MCTP1: variants seen among roughly 807,000 people sequenced by gnomAD.
MCTP1 encodes the protein multiple C2 and transmembrane domain-containing protein 1.
A neutral mutation model predicts 120.6 loss-of-function variants in MCTP1; 69 were observed. The ratio of observed to expected loss-of-function variants is 0.57; its 90% CI spans 0.47 to 0.70. The LOEUF (loss-of-function observed/expected upper bound fraction) is 0.70, where lower values mean the gene tolerates loss of function less well. Among genes scored for constraint, MCTP1 ranks in the 30% least tolerant of loss-of-function variants. The probability of loss-of-function intolerance (pLI) is 0.00; values close to 1 mark genes in which losing one functional copy is unlikely to be tolerated. For synonymous variants in MCTP1, 529 were observed against 493.1 expected, an observed-to-expected ratio of 1.07 and a Z score of -0.96; for missense variants, 1,203 against 1,248.8, an observed-to-expected ratio of 0.96 and a Z score of 0.55.
intron 3 of MCTP1, among the ~76,000 whole-genome samples, chr5:94,943,969 A>G (rs1818343434): frequency 6.6e-6 from 1 of 151,966 alleles, no homozygotes; most frequent in Non-Finnish European, 1.5e-5. Context: ...ACAGCCCAGC[A>G]CTCCTATGCT....
At chr5:94,884,727 G>A (rs546320101) in intron 12 of MCTP1, among the ~76,000 whole-genome samples, 3 of 152,216 alleles carry the variant, frequency 2.0e-5, no homozygotes, top group African/African-American at 7.2e-5. Context: ...CCTGTCAAAT[G>A]GGGCTTAAAT....
chr5:95,215,253 A>T (rs1403588306), intron 1 of MCTP1, among the ~76,000 whole-genome samples: 1 of 152,206 alleles, frequency 6.6e-6, no homozygotes, highest in African/African-American at 2.4e-5. Flanking sequence ...TGATCAATTC[A>T]ATTAACTGAT....
intron 18 of MCTP1, among the ~76,000 whole-genome samples, chr5:94,796,349 T>C (rs1256996006): frequency 6.6e-6 from 1 of 151,858 alleles, no homozygotes; most frequent in Non-Finnish European, 1.5e-5. Flanking sequence ...GAAAGTTTCC[T>C]GGTTTGGAAT....
chr5:95,061,093 C>T (rs1748933361), intron 1 of MCTP1, among the ~76,000 whole-genome samples: 1 of 150,136 alleles, frequency 6.7e-6, no homozygotes, highest in African/African-American at 2.5e-5. Context: ...TCTGGCAATG[C>T]CCTGTGGTTG....
At chr5:94,713,230 C>A (rs1188670448) in intron 20 of MCTP1, among the ~76,000 whole-genome samples, 1 of 151,892 alleles carries the variant, frequency 6.6e-6, no homozygotes. Context: ...TTTTTAGCAT[C>A]CAAAAGATCA....
intron 12 of MCTP1, among the ~76,000 whole-genome samples, chr5:94,885,453 C>T (rs1000111094): frequency 3.9e-5 from 6 of 152,150 alleles, no homozygotes; most frequent in Admixed American, 1.3e-4. Context: ...AAGAAAGCCT[C>T]ACTCAATATA....
At chr5:95,213,540 G>A (rs528882025) in intron 1 of MCTP1, among the ~76,000 whole-genome samples, 121 of 152,014 alleles carry the variant, frequency 8.0e-4, no homozygotes, top group African/African-American at 2.8e-3. Context: ...AAACAAAAAA[G>A]AGCCTGCATC....
intron 1 of MCTP1, among the ~76,000 whole-genome samples, chr5:95,252,627 C>G (rs985071399): frequency 1.3e-5 from 2 of 152,132 alleles, no homozygotes; most frequent in African/African-American, 4.8e-5. Context: ...GAGCTGAGAT[C>G]TGAACCTACA....
intron 1 of MCTP1, among the ~76,000 whole-genome samples, chr5:95,132,265 T>C (rs1398874573): frequency 2.0e-5 from 3 of 152,186 alleles, no homozygotes; most frequent in Non-Finnish European, 2.9e-5. Flanking sequence ...CATTTGACAG[T>C]GTTTTGTTTT....
chr5:94,893,200 G>GA (rs1280476922), intron 11 of MCTP1, among the ~76,000 whole-genome samples: 3 of 151,690 alleles, frequency 2.0e-5, no homozygotes, highest in African/African-American at 2.4e-5. Context: ...CCAGCAAAAA[G>GA]AAAAAAAATT....
chr5:94,878,827 G>A (rs1442276348), intron 12 of MCTP1, among the ~76,000 whole-genome samples: 1 of 149,828 alleles, frequency 6.7e-6, no homozygotes, highest in African/African-American at 2.4e-5. Context: ...AGAGTGCTAC[G>A]TGTTAATTAA....
chr5:95,274,176 C>CT, intron 1 of MCTP1, among the ~76,000 whole-genome samples: 1 of 152,216 alleles, frequency 6.6e-6, no homozygotes, highest in Non-Finnish European at 1.5e-5. Flanking sequence ...AGCTTTCAGT[C>CT]CCGCTACTGA....
At chr5:94,771,908 C>T (rs1369240417) in intron 19 of MCTP1, among the ~76,000 whole-genome samples, 1 of 152,100 alleles carries the variant, frequency 6.6e-6, no homozygotes, top group Non-Finnish European at 1.5e-5. Flanking sequence ...GTAGGCAGGG[C>T]TGCATTTCTT....
chr5:95,150,201 T>C lies in MCTP1; in HGVS notation c.721-132717A>G, dbSNP rs574654524. 1.4e-3 allele frequency among the ~76,000 whole-genome samples: 214 copies of C among 152,348 alleles called. 2 individuals carry two copies. The highest frequency in any genetic ancestry group is 4.9e-3 in the African/African-American group (205 of 41,584). On this transcript the variant is annotated intron_variant, in intron 1 of 22. Coordinates refer to ENST00000515393, the MANE Select transcript of MCTP1 (RefSeq NM_024717.7). ...CATCTCTTCCCCATATTTGTTTTAA[T>C]TGCATAACCTAATAATGATAATTTG... is the stretch of plus-strand genomic sequence containing the variant.
At chr5:94,931,187 G>A (rs1307213130) in intron 6 of MCTP1, 4 of 151,894 alleles carry the variant, frequency 2.6e-5, no homozygotes, top group Admixed American at 6.6e-5. Context: ...CAGAATGGAA[G>A]GAAAAAGACT....
At chr5:95,170,426 T>A (rs1488613423) in intron 1 of MCTP1, among the ~76,000 whole-genome samples, 1 of 152,234 alleles carries the variant, frequency 6.6e-6, no homozygotes, top group African/African-American at 2.4e-5. Flanking sequence ...GTCTATTAGG[T>A]CTGCTTGGTG....
chr5:94,870,495 T>C lies in MCTP1; in HGVS notation c.2242-4A>G. Reference sequence around the variant, plus strand: ...ATGTTCGTAAGCTGGCTTTCACCTATACATCAACATATGTGTCTGTTATGG... The same window carrying C: ...ATGTTCGTAAGCTGGCTTTCACCTACACATCAACATATGTGTCTGTTATGG... On this transcript the variant is annotated splice_region_variant and splice_polypyrimidine_tract_variant and intron_variant, in intron 15 of 22. Coordinates refer to ENST00000515393, the MANE Select transcript of MCTP1 (RefSeq NM_024717.7). 1 of 1,580,298 alleles carries C rather than the reference T, an allele frequency of 6.3e-7. No individual in the cohort carries two copies. The highest frequency in any genetic ancestry group is 1.7e-5 in the Admixed American group (1 of 59,928).
intron 2 of MCTP1, among the ~76,000 whole-genome samples, chr5:95,007,047 G>A (rs1005328543): frequency 2.0e-5 from 3 of 152,130 alleles, no homozygotes; most frequent in African/African-American, 4.8e-5. Context: ...CGCATGGCTG[G>A]AAACTTACAA....
intron 17 of MCTP1, among the ~76,000 whole-genome samples, chr5:94,809,435 G>A (rs1047622480): frequency 1.3e-5 from 2 of 152,000 alleles, no homozygotes; most frequent in Non-Finnish European, 2.9e-5. Context: ...GCAATGTTGT[G>A]AATTTAATGT....
Sources: allele counts gnomAD v4.1 joint callset (sites outside exome capture counted in the v4.1 genomes callset), GRCh38; gene constraint gnomAD v4.1.1; transcripts MANE v1.5; gene names NCBI Gene and HGNC (gene_info 2026-07-23, HGNC 2026-07-21).